FCHSD2: variants seen among roughly 807,000 people sequenced by gnomAD.
FCHSD2 encodes FCH and double SH3 domains 2.
FCHSD2 carries 38 observed loss-of-function variants against 108.1 expected under a neutral mutation model. The observed-to-expected ratio is 0.35, with a 90% CI of 0.27 to 0.46. The LOEUF is 0.46. FCHSD2 is among the 20% of genes least tolerant of loss of function. The pLI, the probability that FCHSD2 is intolerant of heterozygous loss-of-function variation, is 1.00. For missense variants in FCHSD2, 751 were observed against 897.8 expected (o/e 0.84, Z 2.09); for synonymous variants, 279 against 314.7 (o/e 0.89, Z 1.20).
intron 8 of FCHSD2, among the ~76,000 whole-genome samples, chr11:72,939,012 C>G (rs1856360239): frequency 6.6e-6 from 1 of 152,072 alleles, no homozygotes; most frequent in Non-Finnish European, 1.5e-5. Context: ...ACATGTAATG[C>G]AGGATATTTT....
chr11:72,840,856 C>T (rs766471788), intron 19 of FCHSD2, 21 bp downstream of exon 19: 7 of 1,553,762 alleles, frequency 4.5e-6, no homozygotes, highest in South Asian at 1.1e-5. Context: ...ATTCGATAAT[C>T]CTGCAAGATC....
At chr11:72,948,872 A>G (rs1186643240) in intron 8 of FCHSD2, among the ~76,000 whole-genome samples, 2 of 151,770 alleles carry the variant, frequency 1.3e-5, no homozygotes, top group African/African-American at 4.8e-5. Context: ...TCACCACGTT[A>G]GCTAGGATGG....
At chr11:73,132,888 T>G (rs1251861579) in intron 2 of FCHSD2, among the ~76,000 whole-genome samples, 3 of 150,604 alleles carry the variant, frequency 2.0e-5, no homozygotes, top group Non-Finnish European at 4.4e-5. Flanking sequence ...ACTGCATATA[T>G]TTGCAAATCA....
intron 3 of FCHSD2, among the ~76,000 whole-genome samples, chr11:73,076,022 C>T (rs1289189221): frequency 1.3e-5 from 2 of 151,978 alleles, no homozygotes; most frequent in East Asian, 3.9e-4. Flanking sequence ...GGGAGTCTGA[C>T]ATAGGAGAAT....
chr11:73,119,406 T>G (rs1380510520), intron 2 of FCHSD2, among the ~76,000 whole-genome samples: 1 of 152,174 alleles, frequency 6.6e-6, no homozygotes, highest in Non-Finnish European at 1.5e-5. Context: ...ACTTTAAAAT[T>G]TTTATGTGCT....
At chr11:72,885,674 A>C (rs1434564458) in intron 12 of FCHSD2, among the ~76,000 whole-genome samples, 1 of 152,166 alleles carries the variant, frequency 6.6e-6, no homozygotes, top group Non-Finnish European at 1.5e-5. Flanking sequence ...CTCCTGTTCC[A>C]CCAAGGCTCT....
intron 13 of FCHSD2, among the ~76,000 whole-genome samples, chr11:72,853,163 G>C (rs757578836): frequency 1.3e-5 from 2 of 152,062 alleles, no homozygotes; most frequent in Non-Finnish European, 2.9e-5. Flanking sequence ...AATTGAGTTC[G>C]AGACTAGAAA....
chr11:73,052,405 A>AC (rs1565386499), intron 3 of FCHSD2, among the ~76,000 whole-genome samples: 1 of 150,684 alleles, frequency 6.6e-6, no homozygotes, highest in African/African-American at 2.4e-5. Context: ...TCTTGGTATA[A>AC]TTTTTTTTTT....
chr11:73,020,121 G>A (rs1307486528), intron 3 of FCHSD2, among the ~76,000 whole-genome samples: 1 of 152,106 alleles, frequency 6.6e-6, no homozygotes, highest in Non-Finnish European at 1.5e-5. Flanking sequence ...AATAACATCC[G>A]ATTCCAACTT....
intron 3 of FCHSD2, among the ~76,000 whole-genome samples, chr11:73,030,240 C>A (rs965781123): frequency 6.6e-6 from 1 of 152,128 alleles, no homozygotes; most frequent in African/African-American, 2.4e-5. Flanking sequence ...GTCCAAAAGT[C>A]AAGACACTTA....
chr11:72,890,710 C>T (rs1855296517), intron 10 of FCHSD2, among the ~76,000 whole-genome samples: 1 of 151,416 alleles, frequency 6.6e-6, no homozygotes, highest in Admixed American at 6.6e-5. Context: ...GTGGGTCCCA[C>T]ATCATTTTAT....
intron 13 of FCHSD2, among the ~76,000 whole-genome samples, chr11:72,854,901 G>T (rs1432741441): frequency 6.6e-6 from 1 of 152,164 alleles, no homozygotes; most frequent in Non-Finnish European, 1.5e-5. Context: ...ACTTTGGGAG[G>T]CCGAGGCAGG....
At chr11:73,080,756 C>T (rs531882740) in intron 3 of FCHSD2, among the ~76,000 whole-genome samples, 1 of 152,132 alleles carries the variant, frequency 6.6e-6, no homozygotes, top group East Asian at 1.9e-4. Context: ...CCAGCCTGGA[C>T]AACATTGTGA....
At chr11:73,067,068 A>T (rs7925466) in intron 3 of FCHSD2, among the ~76,000 whole-genome samples, 1 of 151,990 alleles carries the variant, frequency 6.6e-6, no homozygotes, top group South Asian at 2.1e-4. Flanking sequence ...ACAATAGCAA[A>T]GACTTGGAAC....
At chr11:73,016,348 C>A (rs577872080) in intron 3 of FCHSD2, among the ~76,000 whole-genome samples, 119 of 150,820 alleles carry the variant, frequency 7.9e-4, no homozygotes, top group African/African-American at 1.2e-3. Flanking sequence ...AACCAACCAA[C>A]CAAACAAACA....
chr11:72,893,799 C>A (rs1446374863), intron 10 of FCHSD2, among the ~76,000 whole-genome samples: 2 of 151,064 alleles, frequency 1.3e-5, no homozygotes, highest in African/African-American at 4.9e-5. Flanking sequence ...ACAATAAAGT[C>A]TTTTCAACAT....
At chr11:72,999,948 TACTC>T (rs904838430) in intron 5 of FCHSD2, among the ~76,000 whole-genome samples, 94 of 152,294 alleles carry the variant, frequency 6.2e-4, no homozygotes, top group African/African-American at 2.0e-3. Context: ...TCACATAGGT[TACTC>T]ACTATGTTTG....
chr11:73,039,950 T>C lies in FCHSD2; in HGVS notation c.166-24065A>G, dbSNP rs1270846571. ...GATATCACAAAAGCAGTTATAAAAC[T>C]ATACCAAAGATGATATGGAAATACA... On this transcript the variant is annotated intron_variant, in intron 3 of 19. Transcript: ENST00000409418. Among the ~76,000 whole-genome samples the C allele has an allele frequency of 3.9e-5, 6 of 152,254 alleles. No homozygotes were observed. In the South Asian group the frequency reaches 8.3e-4, roughly 21 times the overall value.
At chr11:73,065,606 C>A (rs779337062) in intron 3 of FCHSD2, among the ~76,000 whole-genome samples, 1 of 152,176 alleles carries the variant, frequency 6.6e-6, no homozygotes, top group Non-Finnish European at 1.5e-5. Flanking sequence ...ATTTAGAAAA[C>A]CCCATCGTCT....
Sources: allele counts gnomAD v4.1 joint callset (sites outside exome capture counted in the v4.1 genomes callset), GRCh38; gene constraint gnomAD v4.1.1; transcripts MANE v1.5; gene names NCBI Gene and HGNC (gene_info 2026-07-23, HGNC 2026-07-21).